FRY: variants seen among roughly 807,000 people sequenced by gnomAD.
FRY encodes protein furry homolog.
A neutral mutation model predicts 348.4 loss-of-function variants in FRY; 128 were observed. The observed-to-expected ratio is 0.37, with a 90% CI of 0.32 to 0.43. FRY has a LOEUF of 0.43. FRY is among the 20% of genes least tolerant of loss of function. FRY has a pLI of 1.00. For synonymous variants in FRY, 1,370 were observed against 1,374.7 expected (o/e 1.00, Z 0.08); for missense variants, 2,736 against 3,695.2 (o/e 0.74, Z 6.73).
At chr13:32,266,856 C>T (rs1203591812) in intron 54 of FRY, among the ~76,000 whole-genome samples, 6 of 152,132 alleles carry the variant, frequency 3.9e-5, no homozygotes, top group African/African-American at 9.7e-5. Flanking sequence ...TGGTAGCACA[C>T]GCCTGTAGTC....
At chr13:32,173,663 TGTTTCATTCATTGTTAG>T (rs1882219193) in intron 19 of FRY, 114 bp downstream of exon 19, 1 of 808,312 alleles carries the variant, frequency 1.2e-6, no homozygotes, top group Non-Finnish European at 2.2e-6. Context: ...TTACATGTAG[TGTTTCATTCATTGTTAG>T]GTTTTAAACT....
chr13:32,184,863 T>A, intron 25 of FRY, 113 bp from the exon 26 acceptor site: 3 of 1,092,670 alleles, frequency 2.7e-6, no homozygotes, highest in Non-Finnish European at 4.2e-6. Context: ...TGCATATAGG[T>A]TAGGAACAAC....
chr13:32,199,444 T>C (rs532892860), intron 29 of FRY, among the ~76,000 whole-genome samples: 109 of 152,318 alleles, frequency 7.2e-4, no homozygotes, highest in Non-Finnish European at 1.2e-3. Context: ...GGTGGTGTAA[T>C]CACATTTATG....
At chr13:32,188,971 A>G (rs1035042299) in intron 28 of FRY, among the ~76,000 whole-genome samples, 17 of 152,206 alleles carry the variant, frequency 1.1e-4, no homozygotes, top group African/African-American at 3.6e-4. Flanking sequence ...TCTGCTGTTA[A>G]TCGTCAGTCC....
intron 60 of FRY, 98 bp from the exon 61 acceptor site, chr13:32,295,104 T>C: frequency 8.9e-7 from 1 of 1,127,470 alleles, no homozygotes; most frequent in Admixed American, 1.7e-5. Flanking sequence ...CAATAAAGCC[T>C]TTTTAAAAAG....
chr13:32,062,443 CT>C (rs1457952336), intron 1 of FRY, among the ~76,000 whole-genome samples: 1 of 152,052 alleles, frequency 6.6e-6, no homozygotes, highest in East Asian at 1.9e-4. Context: ...GTGAAGTTAA[CT>C]TTATAGTACA....
chr13:32,269,029 G>T (rs1205393238), intron 55 of FRY, among the ~76,000 whole-genome samples: 2 of 152,186 alleles, frequency 1.3e-5, no homozygotes, highest in Non-Finnish European at 2.9e-5. Context: ...AGTTAAACTT[G>T]TGTAGCTGTT....
chr13:32,131,111 C>T (rs1458401345), intron 7 of FRY, among the ~76,000 whole-genome samples: 5 of 152,080 alleles, frequency 3.3e-5, no homozygotes, highest in African/African-American at 4.8e-5. Context: ...CCACTGCGCC[C>T]GGCCTCCCAT....
intron 2 of FRY, among the ~76,000 whole-genome samples, chr13:32,095,691 G>T (rs1204085388): frequency 6.6e-6 from 1 of 152,082 alleles, no homozygotes; most frequent in Non-Finnish European, 1.5e-5. Flanking sequence ...GTTAATTTTT[G>T]CTTGGGTTGC....
At chr13:32,182,669 T>G (rs994165418) in intron 23 of FRY, among the ~76,000 whole-genome samples, 16 of 152,250 alleles carry the variant, frequency 1.1e-4, no homozygotes, top group Non-Finnish European at 1.5e-5. Flanking sequence ...GGGTTTTGTT[T>G]TTTTGTTTGT....
intron 35 of FRY, among the ~76,000 whole-genome samples, chr13:32,214,824 C>A (rs531133117): frequency 3.5e-4 from 54 of 152,298 alleles, no homozygotes; most frequent in South Asian, 1.2e-3. Context: ...TGTTAACACA[C>A]CTCAGGAGTG....
At chr13:32,146,376 G>T (rs971182156) in intron 11 of FRY, among the ~76,000 whole-genome samples, 1 of 152,000 alleles carries the variant, frequency 6.6e-6, no homozygotes, top group Non-Finnish European at 1.5e-5. Flanking sequence ...TCGCTCTGTC[G>T]CCCAGGCTGG....
At chr13:32,155,757 T>C in intron 15 of FRY, 95 bp downstream of exon 15, 1 of 774,900 alleles carries the variant, frequency 1.3e-6, no homozygotes, top group Non-Finnish European at 2.0e-6. Flanking sequence ...TTTAAAAATC[T>C]TTATAGAAGT....
In FRY at chr13:32,174,861, AT is replaced by A. The variant is rs1232581814; in HGVS notation, c.2335-684del. Among the ~76,000 whole-genome samples the A allele has an allele frequency of 2.0e-5, 3 of 152,112 alleles. No individual in the cohort carries two copies. In the East Asian group the frequency reaches 5.8e-4, roughly 29 times the overall value. ...TGGTGAATGAATATATAATATATAAATAAATGAATATTCATTTATACATTCA... is the reference window on the plus strand; with the variant it reads ...TGGTGAATGAATATATAATATATAAAAAATGAATATTCATTTATACATTCA... On this transcript the variant is annotated intron_variant, in intron 19 of 60. Transcript: ENST00000542859.
At chr13:32,094,468 C>CT (rs544653129) in intron 2 of FRY, among the ~76,000 whole-genome samples, 16 of 149,596 alleles carry the variant, frequency 1.1e-4, no homozygotes, top group East Asian at 7.8e-4. Context: ...TTCTTTCTAA[C>CT]TTTTTTTTTT....
At chr13:32,292,802 A>AAAT (rs1383272468) in intron 59 of FRY, among the ~76,000 whole-genome samples, 2 of 151,116 alleles carry the variant, frequency 1.3e-5, no homozygotes, top group African/African-American at 2.4e-5. Flanking sequence ...ATAAATAAAT[A>AAAT]AATAAATAAA....
chr13:32,034,374 G>A (rs1050979401), intron 1 of FRY, among the ~76,000 whole-genome samples: 5 of 152,138 alleles, frequency 3.3e-5, no homozygotes, highest in African/African-American at 1.2e-4. Context: ...TGGCTAGTGA[G>A]ATGTACTAGC....
Position 32,225,925 on chromosome 13 carries a change from T to C in FRY, c.5157T>C (p.Ala1719=). The change falls in exon 39 of 61, where the codon GCT becomes GCC. Residue 1719 remains alanine (A), a synonymous_variant. Transcript: ENST00000542859. The part of the protein sequence containing the change: ...VLLQTREMGE[A]KTLTVQPAYQ... ...TGCAGACCCGAGAGATGGGTGAAGC[T>C]AAGACTCTAACCGTGCAGCCAGCCT... is the stretch of plus-strand genomic sequence containing the variant. 2.5e-6 allele frequency: 4 copies of C among 1,614,182 alleles called. No individual in the cohort carries two copies. Among genetic ancestry groups the C allele is most frequent in the Non-Finnish European group, 3.4e-6 (4 of 1,180,018 alleles).
At position 32,228,652 on chromosome 13, in the gene FRY, C is replaced by T. The variant is rs758904358; in HGVS notation, c.5403C>T (p.Thr1801=). The change falls in exon 40 of 61, where the codon ACC becomes ACT. Residue 1801 remains threonine, a splice_region_variant and synonymous_variant. Transcript: ENST00000542859. ...ACAAGCTCATTGAGTTTCTCACGAC[C>T]AGGTAATAAGGGGTTAGGAGTCCGC... ...KANKLIEFLT[T]RAFGPLWCHE... 6.2e-7 allele frequency: 1 copy of T among 1,613,886 alleles called. No homozygotes were observed. Among genetic ancestry groups the T allele is most frequent in the East Asian group, 2.2e-5 (1 of 44,890 alleles).
Sources: allele counts gnomAD v4.1 joint callset (sites outside exome capture counted in the v4.1 genomes callset), GRCh38; gene constraint gnomAD v4.1.1; transcripts MANE v1.5; gene names NCBI Gene and HGNC (gene_info 2026-07-23, HGNC 2026-07-21).